The following SV2C variants were observed in gnomAD, a reference collection of about 807,000 sequenced individuals.
SV2C encodes solute carrier family 22 member B3.
In SV2C, 49 loss-of-function variants were observed where a neutral mutation model predicts 79.7. The ratio of observed to expected loss-of-function variants is 0.61; its 90% CI spans 0.49 to 0.78. The LOEUF (loss-of-function observed/expected upper bound fraction) is 0.78, where lower values mean the gene tolerates loss of function less well. SV2C is among the 30% of genes least tolerant of loss of function. SV2C has a pLI of 0.00. For missense variants in SV2C, 833 were observed against 912.9 expected (o/e 0.91, Z 1.13); for synonymous variants, 334 against 333.2 (o/e 1.00, Z -0.03).
At chr5:75,985,359 C>A in the SV2C span, among the ~76,000 whole-genome samples, 4 of 151,928 alleles carry the variant, frequency 2.6e-5, no homozygotes, top group Non-Finnish European at 5.9e-5. Context: ...CATTGGGGAT[C>A]AAATTTCAAC....
At chr5:76,288,479 A>T (rs978047578) in intron 6 of SV2C, among the ~76,000 whole-genome samples, 3 of 152,286 alleles carry the variant, frequency 2.0e-5, no homozygotes, top group East Asian at 3.9e-4. Context: ...GAGGGGAAAA[A>T]TTTTAATTTA....
At chr5:75,873,438 A>G in the SV2C span, among the ~76,000 whole-genome samples, 2 of 152,188 alleles carry the variant, frequency 1.3e-5, no homozygotes, top group Non-Finnish European at 2.9e-5. Context: ...ATTTAATTCT[A>G]TAGATTTACA....
rs771700569 is a variant in SV2C at position 76,325,572 on chromosome 5, C to T, written c.*25C>T. The T allele has an allele frequency of 8.7e-6, 14 of 1,611,312 alleles. No individual in the cohort carries two copies. Among genetic ancestry groups the T allele is most frequent in the African/African-American group, 1.3e-5 (1 of 74,872 alleles). ...ATGGGAAAAAAAGCCATCCTTCCTG[C>T]GTTTCTTCCTCCTGCCCTGGGTCAA... On this transcript the variant is annotated 3_prime_UTR_variant, in exon 13 of 13. Coordinates refer to ENST00000502798, the MANE Select transcript of SV2C (RefSeq NM_014979.4).
intron 2 of SV2C, among the ~76,000 whole-genome samples, chr5:76,167,882 A>T (rs1186140487): frequency 3.9e-5 from 6 of 152,190 alleles, no homozygotes; most frequent in African/African-American, 1.4e-4. Flanking sequence ...TTTAGTCCTA[A>T]AATGATACAG....
chr5:76,085,552 A>G (rs1247872669), intron 1 of SV2C, among the ~76,000 whole-genome samples: 1 of 152,078 alleles, frequency 6.6e-6, no homozygotes, highest in African/African-American at 2.4e-5. Context: ...AAAAAGAAAG[A>G]AAGGAAGGGA....
chr5:76,285,497 G>A, intron 5 of SV2C: 1 of 709,204 alleles, frequency 1.4e-6, no homozygotes, highest in Non-Finnish European at 2.2e-6. Context: ...AAGCACTCAT[G>A]TTTCTCCTTA....
At chr5:76,049,754 C>A in the SV2C span, among the ~76,000 whole-genome samples, 4 of 152,128 alleles carry the variant, frequency 2.6e-5, no homozygotes, top group Non-Finnish European at 5.9e-5. Context: ...CCCAAAGCAG[C>A]AAAGAAAACC....
chr5:76,247,883 A>G (rs1745991000), intron 4 of SV2C, among the ~76,000 whole-genome samples: 1 of 152,236 alleles, frequency 6.6e-6, no homozygotes, highest in South Asian at 2.1e-4. Context: ...TAAATAAATA[A>G]TAAGGCATGC....
At chr5:76,134,420 A>G (rs1484172793) in intron 2 of SV2C, among the ~76,000 whole-genome samples, 1 of 152,208 alleles carries the variant, frequency 6.6e-6, no homozygotes, top group Admixed American at 6.5e-5. Context: ...ATTTCATCGA[A>G]TAATAGCTTT....
the SV2C span, among the ~76,000 whole-genome samples, chr5:75,867,384 C>T: frequency 1.2e-4 from 18 of 152,198 alleles, no homozygotes; most frequent in South Asian, 2.1e-4. Context: ...GGACAGTAGG[C>T]GGACCACGGC....
intron 3 of SV2C, among the ~76,000 whole-genome samples, chr5:76,195,466 T>C (rs1245620796): frequency 6.6e-6 from 1 of 152,218 alleles, no homozygotes; most frequent in Non-Finnish European, 1.5e-5. Flanking sequence ...TTTGAGCCAT[T>C]CAAGCATGCT....
intron 2 of SV2C, among the ~76,000 whole-genome samples, chr5:76,150,174 TC>T (rs1428870977): frequency 6.6e-6 from 1 of 151,238 alleles, no homozygotes; most frequent in Non-Finnish European, 1.5e-5. Flanking sequence ...AGCTTCTCAG[TC>T]CCTTTATCTG....
At chr5:75,957,879 A>G in the SV2C span, among the ~76,000 whole-genome samples, 3 of 152,040 alleles carry the variant, frequency 2.0e-5, no homozygotes, top group African/African-American at 7.2e-5. Context: ...AAGTCATTGT[A>G]TCTTTCATAG....
At chr5:76,352,094 T>A (rs1034332241) in intron 12 of SV2C, among the ~76,000 whole-genome samples, 1 of 152,076 alleles carries the variant, frequency 6.6e-6, no homozygotes, top group Non-Finnish European at 1.5e-5. Flanking sequence ...GCACCTGTAA[T>A]CCCAGCTACT....
chr5:76,232,056 A>T (rs1745438332), intron 4 of SV2C, among the ~76,000 whole-genome samples: 1 of 148,032 alleles, frequency 6.8e-6, no homozygotes. Flanking sequence ...TCCCACCAAC[A>T]GTGTAAAAGT....
intron 12 of SV2C, among the ~76,000 whole-genome samples, chr5:76,340,079 T>C (rs1460579453): frequency 3.3e-5 from 5 of 152,194 alleles, no homozygotes; most frequent in African/African-American, 1.2e-4. Context: ...CATTATACAC[T>C]AATCATAATT....
intron 2 of SV2C, among the ~76,000 whole-genome samples, chr5:76,136,942 A>G (rs536231994): frequency 6.6e-6 from 1 of 152,308 alleles, no homozygotes; most frequent in Admixed American, 6.5e-5. Flanking sequence ...TTTGGACTTT[A>G]TCATGAAATC....
chr5:76,038,383 C>G, the SV2C span, among the ~76,000 whole-genome samples: 1 of 152,146 alleles, frequency 6.6e-6, no homozygotes, highest in African/African-American at 2.4e-5. Flanking sequence ...GGTTTTGGAG[C>G]CAAGCAGATC....
intron 12 of SV2C, among the ~76,000 whole-genome samples, chr5:76,316,935 A>G (rs1748644953): frequency 6.6e-6 from 1 of 152,162 alleles, no homozygotes; most frequent in Non-Finnish European, 1.5e-5. Context: ...CGTCTCACCC[A>G]TCTTAGTGCA....
Sources: gnomAD v4.1 joint callset for allele counts (sites outside exome capture counted in the v4.1 genomes callset) on GRCh38, gnomAD v4.1.1 for gene constraint, MANE v1.5 for transcripts, NCBI Gene and HGNC (gene_info 2026-07-23, HGNC 2026-07-21) for gene names.